Variants in MRPL1 observed in about 807,000 individuals in gnomAD.
MRPL1 encodes the protein large ribosomal subunit protein uL1m.
Under a neutral mutation model 38.0 loss-of-function variants are expected in MRPL1, and 28 were observed. The ratio of observed to expected loss-of-function variants is 0.74; its 90% CI spans 0.55 to 1.01. MRPL1 has a LOEUF of 1.01. Among genes scored for constraint, MRPL1 ranks in the 50% least tolerant of loss-of-function variants. MRPL1 has a pLI of 0.00. For missense variants in MRPL1, 358 were observed against 389.8 expected (o/e 0.92, Z 0.69); for synonymous variants, 123 against 126.7 (o/e 0.97, Z 0.20).
chr4:77,877,183 A>G (rs113001990), intron 2 of MRPL1, among the ~76,000 whole-genome samples: 2 of 152,358 alleles, frequency 1.3e-5, no homozygotes, highest in African/African-American at 4.8e-5. Flanking sequence ...TACAGGCGTT[A>G]GCCACCACAC....
intron 6 of MRPL1, among the ~76,000 whole-genome samples, chr4:77,905,036 C>A (rs942403519): frequency 1.3e-5 from 2 of 151,998 alleles, no homozygotes; most frequent in African/African-American, 4.8e-5. Context: ...GGGTGAATAC[C>A]CCTAAGAAAA....
intron 2 of MRPL1, among the ~76,000 whole-genome samples, chr4:77,878,833 C>G (rs190243754): frequency 6.6e-6 from 1 of 152,014 alleles, no homozygotes; most frequent in Non-Finnish European, 1.5e-5. Context: ...GAGCCCAGAT[C>G]GCACCACTGC....
chr4:77,924,809 T>G (rs1736674538), intron 7 of MRPL1, among the ~76,000 whole-genome samples: 1 of 152,220 alleles, frequency 6.6e-6, no homozygotes, highest in Admixed American at 6.5e-5. Flanking sequence ...TTTTTCATCT[T>G]TCATGGCTCA....
At chr4:77,882,131 A>C (rs113917573) in intron 2 of MRPL1, among the ~76,000 whole-genome samples, 120 of 152,362 alleles carry the variant, frequency 7.9e-4, no homozygotes, top group Non-Finnish European at 1.5e-3. Context: ...GCAGCAGAGA[A>C]CATATGGCTC....
chr4:77,949,996 TA>T (rs1024906482), intron 8 of MRPL1, 118 bp downstream of exon 8: 62 of 507,090 alleles, frequency 1.2e-4, no homozygotes, highest in Middle Eastern at 6.2e-4. Context: ...AAATATTAAA[TA>T]AAAAATCAAG....
At chr4:77,872,812 G>A (rs1022834746) in intron 2 of MRPL1, among the ~76,000 whole-genome samples, 6 of 152,138 alleles carry the variant, frequency 3.9e-5, no homozygotes, top group Non-Finnish European at 5.9e-5. Flanking sequence ...GCAGCAAGCC[G>A]AGATCGCACC....
At chr4:77,888,311 C>T (rs763678414) in intron 5 of MRPL1, among the ~76,000 whole-genome samples, 3 of 152,190 alleles carry the variant, frequency 2.0e-5, no homozygotes, top group East Asian at 3.9e-4. Context: ...TTGGGACCAG[C>T]CTGGCCAACA....
At chr4:77,918,442 G>T (rs1371702631) in intron 7 of MRPL1, among the ~76,000 whole-genome samples, 1 of 152,030 alleles carries the variant, frequency 6.6e-6, no homozygotes, top group African/African-American at 2.4e-5. Flanking sequence ...TTTCTATGTG[G>T]TTGAAGCTTG....
intron 7 of MRPL1, among the ~76,000 whole-genome samples, chr4:77,945,991 G>C (rs533862619): frequency 6.6e-6 from 1 of 152,092 alleles, no homozygotes; most frequent in African/African-American, 2.4e-5. Flanking sequence ...AACAGGTTTC[G>C]AGAGCAGAGA....
At chr4:77,885,027 A>G (rs960522305) in intron 3 of MRPL1, among the ~76,000 whole-genome samples, 2 of 152,218 alleles carry the variant, frequency 1.3e-5, no homozygotes, top group East Asian at 3.8e-4. Flanking sequence ...TCAAAAAAAT[A>G]TAATCTTGAA....
intron 7 of MRPL1, among the ~76,000 whole-genome samples, chr4:77,945,527 T>C (rs1188845400): frequency 6.6e-6 from 1 of 152,136 alleles, no homozygotes; most frequent in Non-Finnish European, 1.5e-5. Context: ...AAGTTCTGTC[T>C]TCTGTAAGAT....
chr4:77,880,884 T>C (rs566862723), intron 2 of MRPL1, among the ~76,000 whole-genome samples: 1 of 152,360 alleles, frequency 6.6e-6, no homozygotes, highest in African/African-American at 2.4e-5. Context: ...TGACCTTGGC[T>C]GGACTTGTAG....
At chr4:77,934,863 T>A (rs1172686331) in intron 7 of MRPL1, among the ~76,000 whole-genome samples, 1 of 152,174 alleles carries the variant, frequency 6.6e-6, no homozygotes, top group Non-Finnish European at 1.5e-5. Context: ...TGAAGGAAAT[T>A]GACGCATCCT....
chr4:77,898,182 A>G (rs1386876676), intron 6 of MRPL1, among the ~76,000 whole-genome samples: 1 of 152,122 alleles, frequency 6.6e-6, no homozygotes, highest in African/African-American at 2.4e-5. Flanking sequence ...ATAAAATATT[A>G]CTACCACTTC....
chr4:77,904,899 A>T (rs1736119040), intron 6 of MRPL1, among the ~76,000 whole-genome samples: 1 of 152,242 alleles, frequency 6.6e-6, no homozygotes, highest in African/African-American at 2.4e-5. Context: ...TCTAGAAGAA[A>T]ATTTTTCTAG....
At chr4:77,914,794 G>C (rs774810042) in intron 7 of MRPL1, among the ~76,000 whole-genome samples, 3 of 151,952 alleles carry the variant, frequency 2.0e-5, no homozygotes, top group African/African-American at 7.2e-5. Flanking sequence ...GGGCACTGAC[G>C]GTATGACGGT....
At chr4:77,867,680 C>T (rs915747815) in intron 1 of MRPL1, among the ~76,000 whole-genome samples, 22 of 152,032 alleles carry the variant, frequency 1.4e-4, no homozygotes, top group African/African-American at 2.4e-4. Flanking sequence ...GCGATCAACC[C>T]GCCTTGGCTT....
At chr4:77,867,746 CTTTTTTTTTT>C (rs71214374) in intron 1 of MRPL1, among the ~76,000 whole-genome samples, 12 of 92,040 alleles carry the variant, frequency 1.3e-4, no homozygotes, top group Middle Eastern at 8.3e-3. Flanking sequence ...ATAGTTATTT[CTTTTTTTTTT>C]TTTTTTTTTT....
chr4:77,869,558 TTTGC>T (rs1417534603), intron 1 of MRPL1, among the ~76,000 whole-genome samples: 56 of 151,326 alleles, frequency 3.7e-4, no homozygotes, highest in African/African-American at 1.1e-3. Flanking sequence ...TAGTAGTGGT[TTTGC>T]TTGCTTGCTT....
Sources: gnomAD v4.1 joint callset for allele counts (sites outside exome capture counted in the v4.1 genomes callset) on GRCh38, gnomAD v4.1.1 for gene constraint, MANE v1.5 for transcripts, NCBI Gene and HGNC (gene_info 2026-07-23, HGNC 2026-07-21) for gene names.